The following TAOK3 variants were observed in gnomAD, a reference collection of about 807,000 sequenced individuals.
TAOK3 encodes the protein TAO kinase 3.
In TAOK3, 40 loss-of-function variants were observed where a neutral mutation model predicts 120.4. That is an observed-to-expected ratio of 0.33 (90% CI 0.26 to 0.43). The LOEUF is 0.43. TAOK3 is among the 20% of genes least tolerant of loss of function. The probability of loss-of-function intolerance (pLI) is 1.00; values close to 1 mark genes in which losing one functional copy is unlikely to be tolerated. For missense variants in TAOK3, 821 were observed against 1,112.1 expected, an observed-to-expected ratio of 0.74 and a Z score of 3.72; for synonymous variants, 355 against 387.5, an observed-to-expected ratio of 0.92 and a Z score of 0.99.
chr12:118,238,175 G>C lies in TAOK3; in HGVS notation c.341-6C>G. ...CTGAAGTGGTTTTTTATGAACTGAGGAAGGAAAAAAAAAAAAGTCAGTAGA... is the reference window on the plus strand; with the variant it reads ...CTGAAGTGGTTTTTTATGAACTGAGCAAGGAAAAAAAAAAAAGTCAGTAGA... On this transcript the variant is annotated splice_region_variant and splice_polypyrimidine_tract_variant and intron_variant, in intron 6 of 20. Coordinates refer to ENST00000392533, the MANE Select transcript of TAOK3 (RefSeq NM_016281.4). 1.3e-6 allele frequency: 2 copies of C among 1,562,226 alleles called. No individual in the cohort carries two copies. The highest frequency in any genetic ancestry group is 1.7e-6 in the Non-Finnish European group (2 of 1,149,450).
At chr12:118,268,489 T>C (rs1197169161) in intron 1 of TAOK3, among the ~76,000 whole-genome samples, 1 of 152,184 alleles carries the variant, frequency 6.6e-6, no homozygotes, top group Admixed American at 6.5e-5. Flanking sequence ...CTGAACGTTT[T>C]CATTATTTCT....
At chr12:118,277,441 G>A (rs2041941235) in intron 1 of TAOK3, among the ~76,000 whole-genome samples, 1 of 151,820 alleles carries the variant, frequency 6.6e-6, no homozygotes, top group East Asian at 1.9e-4. Flanking sequence ...GTGATTATGT[G>A]GTCATCCAGA....
intron 11 of TAOK3, among the ~76,000 whole-genome samples, chr12:118,206,255 T>C (rs1459977896): frequency 6.6e-6 from 1 of 152,204 alleles, no homozygotes; most frequent in Non-Finnish European, 1.5e-5. Context: ...GATGACGACA[T>C]TGTTGAGCTG....
At chr12:118,230,129 A>T (rs1046439402) in intron 9 of TAOK3, among the ~76,000 whole-genome samples, 1 of 152,174 alleles carries the variant, frequency 6.6e-6, no homozygotes, top group Non-Finnish European at 1.5e-5. Context: ...GCATTTAACC[A>T]ATCTAAAATT....
chr12:118,268,735 A>T (rs2041565383), intron 1 of TAOK3, among the ~76,000 whole-genome samples: 1 of 152,204 alleles, frequency 6.6e-6, no homozygotes, highest in Admixed American at 6.6e-5. Context: ...TCAGCTAGGC[A>T]CAGTGGCTCA....
intron 1 of TAOK3, among the ~76,000 whole-genome samples, chr12:118,324,360 G>A (rs769559275): frequency 6.6e-6 from 1 of 151,954 alleles, no homozygotes; most frequent in Non-Finnish European, 1.5e-5. Flanking sequence ...TACATATCAA[G>A]CATCTATCAT....
At position 118,283,406 on chromosome 12, in the gene TAOK3, G is replaced by T. The variant is rs185875946; in HGVS notation, c.-193-16647C>A. 1.1e-3 allele frequency among the ~76,000 whole-genome samples: 160 copies of T among 152,266 alleles called. 1 individual carries two copies. The highest frequency in any genetic ancestry group is 3.6e-3 in the African/African-American group (151 of 41,566). ...TGGGTAGGTGCTTAATGCTTTAATG[G>T]AAGAGACAGTATTTTGATTGTTCTG... On this transcript the variant is annotated intron_variant, in intron 1 of 20. Transcript: ENST00000392533.
At chr12:118,253,819 C>T (rs1313296830) in intron 3 of TAOK3, among the ~76,000 whole-genome samples, 4 of 151,404 alleles carry the variant, frequency 2.6e-5, no homozygotes, top group South Asian at 2.1e-4. Context: ...TTTGGGAGGC[C>T]GAGGTGGTCA....
chr12:118,309,764 C>T (rs1312817165), intron 1 of TAOK3, among the ~76,000 whole-genome samples: 5 of 152,074 alleles, frequency 3.3e-5, no homozygotes, highest in Non-Finnish European at 5.9e-5. Flanking sequence ...GATCTGCCCG[C>T]CTCAGCCTCC....
intron 2 of TAOK3, among the ~76,000 whole-genome samples, chr12:118,258,609 G>A (rs1029329467): frequency 2.6e-5 from 4 of 152,028 alleles, no homozygotes; most frequent in South Asian, 4.1e-4. Context: ...CTACTAGGGA[G>A]GCTGAGGCAG....
intron 20 of TAOK3, 98 bp downstream of exon 20, chr12:118,152,129 G>A (rs1269205079): frequency 9.1e-6 from 11 of 1,203,218 alleles, no homozygotes; most frequent in Non-Finnish European, 1.3e-5. Flanking sequence ...AAAGTGCCCA[G>A]TTTAATCTCT....
intron 14 of TAOK3, among the ~76,000 whole-genome samples, chr12:118,189,577 CAA>C (rs2037305034): frequency 1.0e-4 from 2 of 19,566 alleles, no homozygotes; most frequent in South Asian, 4.5e-3. Flanking sequence ...CACACACACA[CAA>C]AGGTTTTTTT....
At chr12:118,175,106 T>C (rs1427865979) in intron 16 of TAOK3, among the ~76,000 whole-genome samples, 1 of 152,226 alleles carries the variant, frequency 6.6e-6, no homozygotes, top group Non-Finnish European at 1.5e-5. Context: ...AGTTGGGCTA[T>C]TCTCTCTACA....
intron 3 of TAOK3, among the ~76,000 whole-genome samples, chr12:118,250,053 CTTTT>C (rs994320262): frequency 6.6e-6 from 1 of 151,890 alleles, no homozygotes; most frequent in African/African-American, 2.4e-5. Context: ...ATGCGCAGTC[CTTTT>C]TTTGTTTGTT....
At position 118,160,908 on chromosome 12, in the gene TAOK3, G is replaced by A. The variant is rs765955270; in HGVS notation, c.2140-550C>T. 2.0e-5 allele frequency among the ~76,000 whole-genome samples: 3 copies of A among 152,166 alleles called. No homozygotes were observed. Among genetic ancestry groups the A allele is most frequent in the Non-Finnish European group, 4.4e-5 (3 of 68,030 alleles). ...TAACGCATTTCTACTGGATTTCAGC[G>A]TAAACTGAGAGAGAAAAGTGATTTA... On this transcript the variant is annotated intron_variant, in intron 18 of 20. Transcript: ENST00000392533. This position sits in a 1 kb window ranked among gnomAD's most constrained non-coding sequence, Gnocchi z 4.2.
chr12:118,234,941 T>C (rs953411163), intron 8 of TAOK3, among the ~76,000 whole-genome samples: 1 of 152,240 alleles, frequency 6.6e-6, no homozygotes, highest in African/African-American at 2.4e-5. Context: ...AGTTGCTTAG[T>C]AAATGTTATT....
intron 17 of TAOK3, among the ~76,000 whole-genome samples, chr12:118,171,009 T>C (rs1205392258): frequency 6.6e-6 from 1 of 152,218 alleles, no homozygotes; most frequent in African/African-American, 2.4e-5. Flanking sequence ...CTGTTACCAC[T>C]GTGCTAGATC....
chr12:118,350,805 A>C (rs1472007003), intron 1 of TAOK3, among the ~76,000 whole-genome samples: 4 of 149,508 alleles, frequency 2.7e-5, no homozygotes, highest in African/African-American at 9.9e-5. Context: ...GGTTGCAGTG[A>C]GCTGAGGTCG....
At chr12:118,345,329 T>G (rs562759606) in intron 1 of TAOK3, among the ~76,000 whole-genome samples, 1 of 152,320 alleles carries the variant, frequency 6.6e-6, no homozygotes, top group South Asian at 2.1e-4. Context: ...ACCGGTTACT[T>G]TGGACAAATT....
Sources: allele counts gnomAD v4.1 joint callset (sites outside exome capture counted in the v4.1 genomes callset), GRCh38; gene constraint gnomAD v4.1.1; non-coding constraint Gnocchi (gnomAD v3.1); transcripts MANE v1.5; gene names NCBI Gene and HGNC (gene_info 2026-07-23, HGNC 2026-07-21).